The following DSCAM variants were observed in gnomAD, a reference collection of about 807,000 sequenced individuals.
The protein encoded by DSCAM is cell adhesion molecule DSCAM.
Under a neutral mutation model 217.7 loss-of-function variants are expected in DSCAM, and 47 were observed. The ratio of observed to expected loss-of-function variants is 0.22; its 90% CI spans 0.17 to 0.28. DSCAM has a LOEUF of 0.28. DSCAM is among the 10% of genes least tolerant of loss of function. DSCAM has a pLI of 1.00. For missense variants in DSCAM, 2,080 were observed against 2,618.3 expected (o/e 0.79, Z 4.49); for synonymous variants, 1,056 against 1,015.3 (o/e 1.04, Z -0.76).
At chr21:40,409,083 T>C (rs1270839619) in intron 3 of DSCAM, among the ~76,000 whole-genome samples, 1 of 152,204 alleles carries the variant, frequency 6.6e-6, no homozygotes, top group Non-Finnish European at 1.5e-5. Flanking sequence ...AAAGAATAAT[T>C]TAAATACCTA....
chr21:40,331,677 A>C (rs940957776), intron 8 of DSCAM, among the ~76,000 whole-genome samples: 9 of 152,200 alleles, frequency 5.9e-5, no homozygotes, highest in African/African-American at 1.9e-4. Flanking sequence ...ACATGGTAAA[A>C]AAATGCTGGT....
chr21:40,734,272 A>G (rs985518746), intron 1 of DSCAM, among the ~76,000 whole-genome samples: 1 of 152,146 alleles, frequency 6.6e-6, no homozygotes. Flanking sequence ...AGATCAAGCT[A>G]CGGGGCTACA....
chr21:40,628,309 G>T (rs1204298802), intron 3 of DSCAM, among the ~76,000 whole-genome samples: 2 of 152,152 alleles, frequency 1.3e-5, no homozygotes, highest in East Asian at 3.9e-4. Context: ...CTTACCAGAT[G>T]AGAGAACTTT....
chr21:40,074,560 C>T (rs1408753818), intron 27 of DSCAM, among the ~76,000 whole-genome samples: 1 of 152,194 alleles, frequency 6.6e-6, no homozygotes, highest in Admixed American at 6.5e-5. Flanking sequence ...GAAACTCTTA[C>T]ACTGGGCTTC....
chr21:40,627,335 T>C (rs1040225289), intron 3 of DSCAM, among the ~76,000 whole-genome samples: 3 of 152,166 alleles, frequency 2.0e-5, no homozygotes, highest in Admixed American at 6.5e-5. Context: ...ACTTGTGGAA[T>C]AGGCAAGAAA....
At chr21:40,748,879 C>T (rs1253318474) in intron 1 of DSCAM, among the ~76,000 whole-genome samples, 3 of 152,072 alleles carry the variant, frequency 2.0e-5, no homozygotes, top group African/African-American at 4.8e-5. Flanking sequence ...GGCGTAAAAA[C>T]AGATACATTG....
intron 3 of DSCAM, among the ~76,000 whole-genome samples, chr21:40,395,586 T>G (rs1207154078): frequency 1.3e-5 from 2 of 152,066 alleles, no homozygotes; most frequent in African/African-American, 4.8e-5. Flanking sequence ...TTTGATTTCT[T>G]TTTTTTTCTT....
intron 3 of DSCAM, among the ~76,000 whole-genome samples, chr21:40,598,052 T>G (rs1429626648): frequency 6.6e-6 from 1 of 152,260 alleles, no homozygotes; most frequent in Admixed American, 6.5e-5. Context: ...GCTAGTGCCA[T>G]GCAGAATAGT....
At chr21:40,586,429 A>C (rs1256923195) in intron 3 of DSCAM, among the ~76,000 whole-genome samples, 1 of 152,362 alleles carries the variant, frequency 6.6e-6, no homozygotes, top group South Asian at 2.1e-4. Flanking sequence ...ATTAAGGAAA[A>C]TGACAACACT....
In DSCAM at chr21:40,426,294, T is replaced by C. The variant is rs73359154; in HGVS notation, c.509-57049A>G. On this transcript the variant is annotated intron_variant, in intron 3 of 32. Transcript: ENST00000400454. ...ACAATGGTCACAAATGTTGTCACTT[T>C]ACAAGATCCATGGACAGTTTGTTGG... Among the ~76,000 whole-genome samples, 1,179 of 152,364 alleles carry C rather than the reference T, an allele frequency of 7.7e-3. 13 individuals carry two copies. Among genetic ancestry groups the C allele is most frequent in the African/African-American group, 0.027 (1,108 of 41,588 alleles).
intron 3 of DSCAM, among the ~76,000 whole-genome samples, chr21:40,465,893 A>T (rs60997113): frequency 0.21 from 31,257 of 152,024 alleles, 3,888 homozygotes; most frequent in African/African-American, 0.34. Context: ...AAAAAAAAAA[A>T]ATATTTTCAG....
At chr21:40,192,306 G>A (rs147243768) in intron 11 of DSCAM, among the ~76,000 whole-genome samples, 12 of 152,108 alleles carry the variant, frequency 7.9e-5, no homozygotes, top group African/African-American at 2.9e-4. Context: ...AATACAATTC[G>A]TCTCCCATAG....
At chr21:40,031,905 C>T (rs918140364) in intron 32 of DSCAM, among the ~76,000 whole-genome samples, 1 of 152,206 alleles carries the variant, frequency 6.6e-6, no homozygotes, top group Non-Finnish European at 1.5e-5. Context: ...TAGAGACTTA[C>T]TAGCGTCTGA....
At chr21:40,374,789 A>G (rs2074933459) in intron 3 of DSCAM, among the ~76,000 whole-genome samples, 1 of 152,214 alleles carries the variant, frequency 6.6e-6, no homozygotes, top group South Asian at 2.1e-4. Flanking sequence ...TCGCAGTGAG[A>G]AGGCGGCTGT....
chr21:40,191,708 A>G lies in DSCAM; in HGVS notation c.2357-2470T>C, dbSNP rs530791340. 3.5e-4 allele frequency among the ~76,000 whole-genome samples: 54 copies of G among 152,294 alleles called. No homozygotes were observed. The South Asian group carries it at 6.8e-3, about 19-fold the overall frequency. On this transcript the variant is annotated intron_variant, in intron 11 of 32. Coordinates refer to ENST00000400454, the MANE Select transcript of DSCAM (RefSeq NM_001389.5). The stretch of plus-strand genomic sequence containing the variant: ...TCTGGAGGCTGGAATTCCAAAATCA[A>G]GTCGACAACAGAGCCATGCTCCCTC...
chr21:40,838,579 G>C (rs1293583359), intron 1 of DSCAM, among the ~76,000 whole-genome samples: 1 of 152,206 alleles, frequency 6.6e-6, no homozygotes, highest in Non-Finnish European at 1.5e-5. Flanking sequence ...GGCTTTTACT[G>C]TTTTATTTTC....
At chr21:40,043,645 G>T (rs748859612) in intron 31 of DSCAM, among the ~76,000 whole-genome samples, 20 of 152,322 alleles carry the variant, frequency 1.3e-4, no homozygotes, top group South Asian at 2.1e-4. Context: ...GGATCAGCCT[G>T]TGTTCCCTAT....
intron 24 of DSCAM, among the ~76,000 whole-genome samples, chr21:40,082,986 G>A (rs942184073): frequency 1.3e-5 from 2 of 152,140 alleles, no homozygotes; most frequent in African/African-American, 4.8e-5. Flanking sequence ...CAGAAGAAAG[G>A]ATGTTCTCTG....
rs940890632 is a variant in DSCAM, at chr21:40,167,072, C to T, written c.3018+146G>A. The T allele has an allele frequency of 2.4e-5, 15 of 636,600 alleles. No individual in the cohort carries two copies. In the African/African-American group the frequency reaches 2.8e-4, roughly 12 times the overall value. The allele number at this position is 636,600 out of a possible 1,614,324, so 39.4% of individuals were successfully genotyped here. A position where few individuals can be genotyped will look rare whatever the true frequency, so the allele number is the denominator to read the frequency against. ...ATTCAAAATGTGGATACAAATACTGCATTTTAAGAAAAGGGCTTTCAACTT... is the reference window on the plus strand; with the variant it reads ...ATTCAAAATGTGGATACAAATACTGTATTTTAAGAAAAGGGCTTTCAACTT... On this transcript the variant is annotated intron_variant, in intron 16 of 32. Coordinates refer to ENST00000400454, the MANE Select transcript of DSCAM (RefSeq NM_001389.5).
Sources: allele counts gnomAD v4.1 joint callset (sites outside exome capture counted in the v4.1 genomes callset), GRCh38; gene constraint gnomAD v4.1.1; transcripts MANE v1.5; gene names NCBI Gene and HGNC (gene_info 2026-07-23, HGNC 2026-07-21).